The following DNAJC11 variants were observed in gnomAD, a reference collection of about 807,000 sequenced individuals.
The protein encoded by DNAJC11 is dnaJ homolog subfamily C member 11.
DNAJC11 carries 15 observed loss-of-function variants against 78.6 expected under a neutral mutation model. The observed-to-expected ratio is 0.19, with a 90% CI of 0.13 to 0.29. DNAJC11 has a LOEUF of 0.29. DNAJC11 is among the 10% of genes least tolerant of loss of function. DNAJC11 has a pLI of 1.00. For missense variants in DNAJC11, 547 were observed against 709.6 expected, an observed-to-expected ratio of 0.77 and a Z score of 2.60; for synonymous variants, 292 against 272.1, an observed-to-expected ratio of 1.07 and a Z score of -0.72.
intron 4 of DNAJC11, among the ~76,000 whole-genome samples, chr1:6,666,167 A>G (rs1642290682): frequency 6.6e-6 from 1 of 152,202 alleles, no homozygotes; most frequent in Admixed American, 6.5e-5. Context: ...ATTACACATG[A>G]TAATGAGTGA....
At position 6,637,430 on chromosome 1, in the gene DNAJC11, AG is replaced by A. The variant is rs1359634671; in HGVS notation, c.1381+16del. ...CCCAGCGCCCACCCTGGACCAAGAG[AG>A]GACACATGTTCTCACCCATTCTGGA... On this transcript the variant is annotated intron_variant, in intron 13 of 15. Coordinates refer to ENST00000377577, the MANE Select transcript of DNAJC11 (RefSeq NM_018198.4). 6.2e-7 allele frequency: 1 copy of A among 1,614,036 alleles called. No homozygotes were observed.
chr1:6,689,889 A>G (rs1642718030), intron 1 of DNAJC11, among the ~76,000 whole-genome samples: 1 of 152,168 alleles, frequency 6.6e-6, no homozygotes, highest in Non-Finnish European at 1.5e-5. Flanking sequence ...CGCATCACAG[A>G]GCTTTAAAGG....
intron 3 of DNAJC11, among the ~76,000 whole-genome samples, chr1:6,672,269 A>AC (rs1642392936): frequency 1.3e-5 from 2 of 152,236 alleles, no homozygotes; most frequent in South Asian, 4.1e-4. Flanking sequence ...CCCATACACT[A>AC]CTATTTTTTT....
Position 6,645,113 on chromosome 1 carries a change from T to G in DNAJC11, c.908A>C (p.His303Pro). 6.2e-7 allele frequency: 1 copy of G among 1,611,728 alleles called. No individual in the cohort carries two copies. ...FTVALQLGIPHSFALISYQHK... is the reference protein window; with the variant it reads ...FTVALQLGIPPSFALISYQHK... ...CTGATAGCTGATCAGTGCAAAGGAG[T>G]GAGGGATTCCCAGCTGGGGAGACAG... The change falls in exon 9 of 16, where the codon CAC becomes CCC. Residue 303 changes from histidine to proline, a missense_variant. By Grantham distance (77) the His-to-Pro change is moderately conservative. Coordinates refer to ENST00000377577, the MANE Select transcript of DNAJC11 (RefSeq NM_018198.4). The surrounding 1 kb of genome is among the most constrained non-coding windows in gnomAD (Gnocchi z 4.1).
In DNAJC11 at chr1:6,645,238, G is replaced by A; in HGVS notation, c.895-112C>T. The A allele has an allele frequency of 4.9e-6, 4 of 816,060 alleles. No individual in the cohort carries two copies. In the South Asian group the frequency reaches 6.2e-5, roughly 13 times the overall value. The allele number at this position is 816,060 out of a possible 1,614,324, so 50.6% of individuals were successfully genotyped here. A position where few individuals can be genotyped will look rare whatever the true frequency, so the allele number is the denominator to read the frequency against. On this transcript the variant is annotated intron_variant, in intron 8 of 15. Coordinates refer to ENST00000377577, the MANE Select transcript of DNAJC11 (RefSeq NM_018198.4). This position sits in a 1 kb window ranked among gnomAD's most constrained non-coding sequence, Gnocchi z 4.1. ...CATCTGCTGCACACAGGCCTTTAAG[G>A]CAGGGGTCACGGTCTGGCAGCCGCA... is the stretch of plus-strand genomic sequence containing the variant.
intron 1 of DNAJC11, among the ~76,000 whole-genome samples, chr1:6,685,891 G>C (rs1026489386): frequency 1.3e-5 from 2 of 152,152 alleles, no homozygotes; most frequent in Admixed American, 1.3e-4. Flanking sequence ...AAATTTCTAA[G>C]GTTGGTATAA....
chr1:6,677,219 A>C (rs1642479250), intron 3 of DNAJC11, among the ~76,000 whole-genome samples: 1 of 151,772 alleles, frequency 6.6e-6, no homozygotes, highest in Admixed American at 6.6e-5. Flanking sequence ...CATGATGGTG[A>C]AAATATAACT....
chr1:6,651,638 G>A, intron 6 of DNAJC11, 36 bp from the exon 7 acceptor site: 4 of 1,565,220 alleles, frequency 2.6e-6, no homozygotes, highest in Non-Finnish European at 3.5e-6. Flanking sequence ...CATTAATGGT[G>A]TTTTATCTCA....
intron 7 of DNAJC11, among the ~76,000 whole-genome samples, chr1:6,646,632 C>T (rs746925027): frequency 1.3e-5 from 2 of 152,130 alleles, no homozygotes; most frequent in Non-Finnish European, 2.9e-5. Flanking sequence ...ACAGGCAAAG[C>T]GAGCACAGGA....
intron 1 of DNAJC11, among the ~76,000 whole-genome samples, chr1:6,686,413 T>C (rs558626033): frequency 6.6e-6 from 1 of 152,332 alleles, no homozygotes; most frequent in East Asian, 1.9e-4. Flanking sequence ...TCCAAAAATT[T>C]CAATGGCTTA....
intron 3 of DNAJC11, among the ~76,000 whole-genome samples, chr1:6,673,400 T>C (rs555276510): frequency 6.6e-6 from 1 of 152,176 alleles, no homozygotes; most frequent in South Asian, 2.1e-4. Context: ...TCAAACCTCC[T>C]GGGAGACCTC....
At chr1:6,698,642 AT>A (rs1010897968) in intron 1 of DNAJC11, among the ~76,000 whole-genome samples, 6 of 145,434 alleles carry the variant, frequency 4.1e-5, no homozygotes, top group African/African-American at 1.0e-4. Context: ...AAAAAAAAAA[AT>A]TTAAGAAATA....
intron 10 of DNAJC11, 34 bp from the exon 11 acceptor site, chr1:6,640,091 C>T: frequency 8.6e-7 from 1 of 1,163,300 alleles, no homozygotes; most frequent in Non-Finnish European, 1.2e-6. Context: ...AAAAAAAAAG[C>T]CAAGATGAAT....
intron 4 of DNAJC11, among the ~76,000 whole-genome samples, chr1:6,664,394 C>T (rs1211449301): frequency 6.6e-6 from 1 of 152,080 alleles, no homozygotes; most frequent in East Asian, 1.9e-4. Context: ...CGCCTGCCAC[C>T]ACACCCGGCT....
At chr1:6,698,225 T>C (rs980745168) in intron 1 of DNAJC11, among the ~76,000 whole-genome samples, 3 of 151,748 alleles carry the variant, frequency 2.0e-5, no homozygotes, top group African/African-American at 7.3e-5. Context: ...CTTTGAAGTA[T>C]CAGTGGGAAC....
At chr1:6,685,975 G>A (rs1009622681) in intron 1 of DNAJC11, among the ~76,000 whole-genome samples, 2 of 152,160 alleles carry the variant, frequency 1.3e-5, no homozygotes, top group African/African-American at 4.8e-5. Context: ...CTGTGCTATC[G>A]TTGGTTCTAT....
intron 1 of DNAJC11, among the ~76,000 whole-genome samples, chr1:6,686,016 A>C (rs1642649930): frequency 6.6e-6 from 1 of 152,154 alleles, no homozygotes; most frequent in Admixed American, 6.5e-5. Flanking sequence ...CTATAACCTC[A>C]TTATTGTCCA....
chr1:6,692,858 G>A (rs1329272589), intron 1 of DNAJC11, among the ~76,000 whole-genome samples: 1 of 151,962 alleles, frequency 6.6e-6, no homozygotes, highest in Non-Finnish European at 1.5e-5. Context: ...TGATCTGCCC[G>A]CCTCAGCCTC....
chr1:6,658,118 G>GT (rs1351945906), intron 4 of DNAJC11, among the ~76,000 whole-genome samples: 1 of 152,132 alleles, frequency 6.6e-6, no homozygotes, highest in Non-Finnish European at 1.5e-5. Flanking sequence ...CAGCTTGATC[G>GT]TGAGATTGCA....
Sources: gnomAD v4.1 joint callset for allele counts (sites outside exome capture counted in the v4.1 genomes callset) on GRCh38, gnomAD v4.1.1 for gene constraint, Gnocchi (gnomAD v3.1) non-coding constraint, MANE v1.5 for transcripts, NCBI Gene and HGNC (gene_info 2026-07-23, HGNC 2026-07-21) for gene names.